The following BLK variants were observed in gnomAD, a reference collection of about 807,000 sequenced individuals.
The protein encoded by BLK is BLK proto-oncogene, Src family tyrosine kinase.
Under a neutral mutation model 61.8 loss-of-function variants are expected in BLK, and 64 were observed. The ratio of observed to expected loss-of-function variants is 1.03; its 90% confidence interval spans 0.85 to 1.27. BLK has a LOEUF of 1.27. BLK is among the 50% of genes most tolerant of loss of function. The pLI, the probability that BLK is intolerant of heterozygous loss-of-function variation, is 0.00. For missense variants in BLK, 853 were observed against 660.5 expected, an observed-to-expected ratio of 1.29 and a Z score of -3.19; for synonymous variants, 351 against 272.0, an observed-to-expected ratio of 1.29 and a Z score of -2.86.
Position 11,553,597 on chromosome 8 carries a change from A to G in BLK, c.473-1146A>G. The G allele has an allele frequency of 1.5e-5, 3 of 206,652 alleles. No individual in the cohort carries two copies. In the South Asian group the frequency reaches 2.1e-4, roughly 15 times the overall value. The allele number at this position is 206,652 out of a possible 1,614,324, so 12.8% of individuals were successfully genotyped here. A position where few individuals can be genotyped will look rare whatever the true frequency, so the allele number is the denominator to read the frequency against. On this transcript the variant is annotated intron_variant, in intron 6 of 12. Coordinates refer to ENST00000259089, the MANE Select transcript of BLK (RefSeq NM_001715.3). ...AAGTGCAGCCTACAAAATGGAGAGA[A>G]AAGCCCTTGATGAATGAACTCCCTA...
intron 10 of BLK, chr8:11,558,809 A>G (rs1028653885): frequency 1.1e-5 from 5 of 455,786 alleles, no homozygotes; most frequent in Non-Finnish European, 2.2e-5. Context: ...TGAGGCACAC[A>G]CGTGCGTACA....
intron 5 of BLK, 34 bp from the exon 6 acceptor site, chr8:11,550,125 G>A (rs753053621): frequency 7.0e-6 from 11 of 1,576,754 alleles, no homozygotes; most frequent in Middle Eastern, 1.7e-4. Context: ...GAGCAGGGTC[G>A]CTCTGAGTTT....
intron 1 of BLK, among the ~76,000 whole-genome samples, chr8:11,507,338 C>G (rs1426627755): frequency 2.6e-5 from 4 of 152,176 alleles, no homozygotes; most frequent in African/African-American, 9.7e-5. Flanking sequence ...AAACCCTGCC[C>G]CTGGGAGTGG....
intron 6 of BLK, 70 bp from the exon 7 acceptor site, chr8:11,554,673 G>T: frequency 6.3e-7 from 1 of 1,578,496 alleles, no homozygotes; most frequent in Middle Eastern, 1.7e-4. Flanking sequence ...TTTAAAATGA[G>T]GCCCAAATCC....
intron 1 of BLK, among the ~76,000 whole-genome samples, chr8:11,541,503 T>C (rs1261533453): frequency 1.0e-4 from 15 of 149,798 alleles, no homozygotes; most frequent in Admixed American, 1.3e-4. Flanking sequence ...TCTCTCTCTT[T>C]TTTTTTTTTT....
Position 11,558,001 on chromosome 8 carries a change from G to T in BLK, c.992G>T (p.Arg331Ile), listed in dbSNP as rs779614551. 40 of 1,614,008 alleles carry T rather than the reference G, an allele frequency of 2.5e-5. No homozygotes were observed. Among genetic ancestry groups the T allele is most frequent in the Non-Finnish European group, 3.3e-5 (39 of 1,179,988 alleles). ...LDFLKTDEGS[R>I]LSLPRLIDMS... ...TTCCTGAAGACAGATGAAGGGAGCAGATTGTCACTCCCAAGGCTGATTGAC... is the reference window on the plus strand; with the variant it reads ...TTCCTGAAGACAGATGAAGGGAGCATATTGTCACTCCCAAGGCTGATTGAC... Residue 331 changes from arginine (R) to isoleucine (I), a missense_variant, in exon 10 of 13, where the codon AGA becomes ATA. Coordinates refer to ENST00000259089, the MANE Select transcript of BLK (RefSeq NM_001715.3).
At chr8:11,561,093 T>A in intron 10 of BLK, 1 of 728,618 alleles carries the variant, frequency 1.4e-6, no homozygotes, top group Non-Finnish European at 2.4e-6. Context: ...AGCCCCTGTG[T>A]CTCTGATGCC....
intron 1 of BLK, among the ~76,000 whole-genome samples, chr8:11,523,915 G>A (rs1324416301): frequency 6.6e-6 from 1 of 150,666 alleles, no homozygotes; most frequent in Non-Finnish European, 1.5e-5. Context: ...CGGTGAGAAT[G>A]TAAACCAGTC....
At chr8:11,509,942 G>A (rs925785130) in intron 1 of BLK, 3 of 152,052 alleles carry the variant, frequency 2.0e-5, no homozygotes, top group African/African-American at 7.2e-5. Flanking sequence ...TATAACATAA[G>A]CATCTTTCCC....
intron 1 of BLK, among the ~76,000 whole-genome samples, chr8:11,523,250 A>G (rs906904092): frequency 6.6e-6 from 1 of 152,240 alleles, no homozygotes; most frequent in Non-Finnish European, 1.5e-5. Context: ...ATGCTGTAAT[A>G]CATAATACAA....
At chr8:11,537,785 C>T (rs1164210455) in intron 1 of BLK, among the ~76,000 whole-genome samples, 1 of 152,204 alleles carries the variant, frequency 6.6e-6, no homozygotes, top group Non-Finnish European at 1.5e-5. Flanking sequence ...CCATGTCATG[C>T]TAGCCAAGTG....
chr8:11,505,226 C>A (rs1026696590), intron 1 of BLK, among the ~76,000 whole-genome samples: 1 of 152,164 alleles, frequency 6.6e-6, no homozygotes, highest in East Asian at 1.9e-4. Context: ...TTTCCTAAAC[C>A]TCATCTATTT....
At chr8:11,561,043 G>A in intron 10 of BLK, 1 of 653,628 alleles carries the variant, frequency 1.5e-6, no homozygotes, top group Non-Finnish European at 2.8e-6. Context: ...CTTGGACACA[G>A]CTGTGTGGAG....
At chr8:11,525,315 T>G (rs539451732) in intron 1 of BLK, among the ~76,000 whole-genome samples, 2 of 152,348 alleles carry the variant, frequency 1.3e-5, no homozygotes, top group African/African-American at 4.8e-5. Context: ...AAGCAAAATG[T>G]AAAGTCCTCT....
intron 1 of BLK, among the ~76,000 whole-genome samples, chr8:11,520,932 A>G (rs1303509690): frequency 6.6e-6 from 1 of 152,240 alleles, no homozygotes; most frequent in Non-Finnish European, 1.5e-5. Context: ...TTTAATGCCA[A>G]TAAAAATGAA....
At chr8:11,539,871 A>AT (rs567551626) in intron 1 of BLK, among the ~76,000 whole-genome samples, 67 of 152,188 alleles carry the variant, frequency 4.4e-4, no homozygotes, top group African/African-American at 1.5e-3. Flanking sequence ...ATCTTTACAC[A>AT]TTTTTCTATT....
chr8:11,551,796 A>G (rs1800916872), intron 6 of BLK, among the ~76,000 whole-genome samples: 1 of 152,120 alleles, frequency 6.6e-6, no homozygotes, highest in Admixed American at 6.5e-5. Context: ...CACTTGACAG[A>G]TGAGGAAAGG....
chr8:11,512,670 GT>G (rs1799063975), intron 1 of BLK, among the ~76,000 whole-genome samples: 1 of 152,010 alleles, frequency 6.6e-6, no homozygotes, highest in Non-Finnish European at 1.5e-5. Context: ...TTGTTTGTTT[GT>G]TTGTTTGTTT....
At chr8:11,527,917 T>C (rs1242981693) in intron 1 of BLK, among the ~76,000 whole-genome samples, 2 of 152,152 alleles carry the variant, frequency 1.3e-5, no homozygotes, top group African/African-American at 4.8e-5. Flanking sequence ...AAATTATGCC[T>C]ACATTTTAGC....
Sources: allele counts gnomAD v4.1 joint callset (sites outside exome capture counted in the v4.1 genomes callset), GRCh38; gene constraint gnomAD v4.1.1; transcripts MANE v1.5; gene names NCBI Gene and HGNC (gene_info 2026-07-23, HGNC 2026-07-21).